SVEP1: variants seen among roughly 807,000 people sequenced by gnomAD.
SVEP1 encodes the protein sushi, von Willebrand factor type A, EGF and pentraxin domain containing 1.
A neutral mutation model predicts 367.3 loss-of-function variants in SVEP1; 164 were observed. The observed-to-expected ratio is 0.45, with a 90% CI of 0.39 to 0.51. The LOEUF is 0.51. SVEP1 is among the 20% of genes least tolerant of loss of function. The probability of loss-of-function intolerance (pLI) is 0.00; values close to 1 mark genes in which losing one functional copy is unlikely to be tolerated. For missense variants in SVEP1, 4,117 were observed against 4,425.3 expected (o/e 0.93, Z 1.98); for synonymous variants, 1,666 against 1,611.6 (o/e 1.03, Z -0.81).
chr9:110,390,701 C>G (rs369299244), intron 40 of SVEP1, among the ~76,000 whole-genome samples: 1 of 151,932 alleles, frequency 6.6e-6, no homozygotes, highest in Admixed American at 6.6e-5. Context: ...GCTGCACACA[C>G]GAATCACCAA....
At position 110,398,179 on chromosome 9, in the gene SVEP1, A is replaced by G. The variant is rs1040952098; in HGVS notation, c.9822+2675T>C. On this transcript the variant is annotated intron_variant, in intron 40 of 47. Transcript: ENST00000374469. The stretch of plus-strand genomic sequence containing the variant: ...ATGGAACAGAACAGAGCCCTCAGAA[A>G]TTATGCTGCATATCTACAACTATCT... 7.1e-4 allele frequency among the ~76,000 whole-genome samples: 108 copies of G among 152,170 alleles called. 6 individuals are homozygous for G. Among genetic ancestry groups the G allele is most frequent in the Admixed American group, 6.5e-5 (1 of 15,278 alleles).
At chr9:110,428,436 T>C (rs572968957) in intron 35 of SVEP1, among the ~76,000 whole-genome samples, 1 of 68,186 alleles carries the variant, frequency 1.5e-5, no homozygotes, top group South Asian at 4.0e-4. Flanking sequence ...ACACCATTAA[T>C]CTCCTACAGT....
At chr9:110,472,371 G>C (rs201481904) in intron 14 of SVEP1, 48 bp from the exon 15 acceptor site, 1 of 1,510,118 alleles carries the variant, frequency 6.6e-7, no homozygotes, top group South Asian at 1.3e-5. Context: ...TTGCTTTTTC[G>C]TCAGCGTTCA....
intron 30 of SVEP1, among the ~76,000 whole-genome samples, chr9:110,433,489 G>C (rs7849187): frequency 1.6e-5 from 2 of 121,706 alleles, no homozygotes; most frequent in Admixed American, 1.9e-4. Context: ...TTTTTTTTAA[G>C]ATAGGGTCTA....
intron 3 of SVEP1, among the ~76,000 whole-genome samples, chr9:110,541,541 T>C (rs1391277873): frequency 6.6e-6 from 1 of 152,090 alleles, no homozygotes; most frequent in African/African-American, 2.4e-5. Flanking sequence ...CGGTTGTCAC[T>C]TCATACTTGA....
chr9:110,498,216 T>G (rs1309824197), intron 7 of SVEP1, among the ~76,000 whole-genome samples: 1 of 152,226 alleles, frequency 6.6e-6, no homozygotes, highest in Non-Finnish European at 1.5e-5. Context: ...CTCAGAAATT[T>G]CACTAGGAGT....
intron 3 of SVEP1, among the ~76,000 whole-genome samples, chr9:110,541,890 C>T (rs539656178): frequency 3.5e-5 from 5 of 143,636 alleles, no homozygotes; most frequent in South Asian, 2.2e-4. Flanking sequence ...TATCTATATA[C>T]ATAGATATCT....
At position 110,408,450 on chromosome 9, in the gene SVEP1, G is replaced by A. The variant is rs1205125226; in HGVS notation, c.7150C>T (p.Pro2384Ser). The change falls in exon 38 of 48, where the codon CCT becomes TCT. Residue 2384 changes from proline (P) to serine (S), a missense_variant. Physicochemically the swap from Pro to Ser is moderately conservative, Grantham distance 74. Around this residue, in one of 4 missense-constraint regions of SVEP1, gnomAD observed 1,765 missense variants for 1,781.1 expected, o/e 0.99. Coordinates refer to ENST00000374469, the MANE Select transcript of SVEP1 (RefSeq NM_153366.4). ...PVCKIVLCTP[P>S]PLISFGVPIP... ...GGGACACCAAAGGAAATTAGGGGAG[G>A]TGGGGTACAAAGAACAATCTTACAA... is the stretch of plus-strand genomic sequence containing the variant. 1.9e-6 allele frequency: 3 copies of A among 1,613,902 alleles called. No individual in the cohort carries two copies. Among genetic ancestry groups the A allele is most frequent in the Non-Finnish European group, 2.5e-6 (3 of 1,179,898 alleles).
chr9:110,492,558 T>C (rs2118731593), intron 8 of SVEP1, among the ~76,000 whole-genome samples: 1 of 152,112 alleles, frequency 6.6e-6, no homozygotes, highest in Non-Finnish European at 1.5e-5. Context: ...CTAAAGCTCC[T>C]AAGAATGGAA....
chr9:110,446,103 A>G, intron 25 of SVEP1, 65 bp from the exon 26 acceptor site: 1 of 1,446,740 alleles, frequency 6.9e-7, no homozygotes. Context: ...TGTCAGAGGA[A>G]GCAGTGCTAT....
chr9:110,395,867 C>T (rs1285347720), intron 40 of SVEP1, among the ~76,000 whole-genome samples: 4 of 151,782 alleles, frequency 2.6e-5, no homozygotes, highest in African/African-American at 9.7e-5. Context: ...TCCTTAGTGA[C>T]CTACAAAGAG....
Position 110,465,991 on chromosome 9 carries a change from G to A in SVEP1, c.3196C>T (p.Leu1066Phe), listed in dbSNP as rs1409338019. The A allele has an allele frequency of 6.2e-6, 10 of 1,613,622 alleles. No homozygotes were observed. The highest frequency in any genetic ancestry group is 8.5e-6 in the Non-Finnish European group (10 of 1,179,754). The change falls in exon 18 of 48, where the codon CTT becomes TTT. Residue 1066 changes from leucine to phenylalanine, a missense_variant. Physicochemically the swap from Leu to Phe is conservative, Grantham distance 22. This residue lies in a region of SVEP1 where 2,174 missense variants were observed against 2,494.3 expected (regional missense o/e 0.87). Coordinates refer to ENST00000374469, the MANE Select transcript of SVEP1 (RefSeq NM_153366.4). ...CKQGTYSYSG[L>F]ETCESCPLGT... The stretch of plus-strand genomic sequence containing the variant: ...AGTGGACACGATTCACAAGTCTCAA[G>A]TCCACTGTATGAGTAGGTGCCTTGT...
chr9:110,568,406 T>C (rs1214110912), intron 1 of SVEP1, among the ~76,000 whole-genome samples: 1 of 152,244 alleles, frequency 6.6e-6, no homozygotes, highest in Non-Finnish European at 1.5e-5. Flanking sequence ...TCTCAGATTA[T>C]TTTCTCATGG....
intron 36 of SVEP1, 47 bp downstream of exon 36, chr9:110,427,544 C>T (rs1828274215): frequency 6.3e-7 from 1 of 1,577,468 alleles, no homozygotes; most frequent in Non-Finnish European, 8.6e-7. Flanking sequence ...CAGGAGCATC[C>T]ACTTCCTTGG....
At chr9:110,538,561 A>C (rs1255126187) in intron 3 of SVEP1, among the ~76,000 whole-genome samples, 2 of 152,112 alleles carry the variant, frequency 1.3e-5, no homozygotes, top group Non-Finnish European at 2.9e-5. Context: ...TACACGTATA[A>C]TAAGATACTC....
In SVEP1 at chr9:110,369,953, A is replaced by AGAC; in HGVS notation, c.10661_10663dup (p.Cys3554_Leu3555insArg). ...ACAGTTATGTCCCGTCCAAGAAGAA[A>AGAC]GACAGTGACATCGGTTTGGTCTTAC... On this transcript the variant is annotated inframe_insertion, in exon 47 of 48. Transcript: ENST00000374469. The AGAC allele has an allele frequency of 6.2e-7, 1 of 1,613,372 alleles. No homozygotes were observed. The highest frequency in any genetic ancestry group is 8.5e-7 in the Non-Finnish European group (1 of 1,179,570).
intron 27 of SVEP1, among the ~76,000 whole-genome samples, chr9:110,439,347 C>T (rs1441803953): frequency 6.6e-6 from 1 of 152,138 alleles, no homozygotes; most frequent in Non-Finnish European, 1.5e-5. Context: ...ACCCTGATCT[C>T]AGACTTCTAG....
chr9:110,555,779 G>T (rs1261562129), intron 1 of SVEP1, among the ~76,000 whole-genome samples: 2 of 152,174 alleles, frequency 1.3e-5, no homozygotes, highest in Non-Finnish European at 1.5e-5. Context: ...TAAGGATAGA[G>T]GAGGGGTGGG....
chr9:110,579,037 G>A lies in SVEP1; in HGVS notation c.507C>T (p.Thr169=). ...CCGCGGCTTGCTGGAAGGCGCCCTT[G>A]GTGTAGGTGCCGCCACCTCGGTAGG... is the stretch of plus-strand genomic sequence containing the variant. The part of the protein sequence containing the change: ...AISYRGGGTY[T]KGAFQQAAQI... Residue 169 remains threonine (T), a synonymous_variant, in exon 1 of 48, where the codon ACC becomes ACT. Transcript: ENST00000374469. This position sits in a 1 kb window ranked among gnomAD's most constrained non-coding sequence, Gnocchi z 5.3. 1.9e-6 allele frequency: 3 copies of A among 1,548,696 alleles called. No homozygotes were observed. The highest frequency in any genetic ancestry group is 2.6e-6 in the Non-Finnish European group (3 of 1,146,758).
Sources: gnomAD v4.1 joint callset for allele counts (sites outside exome capture counted in the v4.1 genomes callset) on GRCh38, gnomAD v4.1.1 for gene constraint, gnomAD v4.1.1 regional missense constraint, Gnocchi (gnomAD v3.1) non-coding constraint, MANE v1.5 for transcripts, NCBI Gene and HGNC (gene_info 2026-07-23, HGNC 2026-07-21) for gene names.